Variants in NHS observed in about 807,000 individuals in gnomAD.
NHS encodes actin remodeling regulator NHS.
In NHS, 5 loss-of-function variants were observed where a neutral mutation model predicts 72.5. The observed-to-expected ratio is 0.07, with a 90% CI of 0.04 to 0.14. The LOEUF (loss-of-function observed/expected upper bound fraction) is 0.14, where lower values mean the gene tolerates loss of function less well. Among genes scored for constraint, NHS ranks in the 10% least tolerant of loss-of-function variants. The probability of loss-of-function intolerance (pLI) is 1.00; values close to 1 mark genes in which losing one functional copy is unlikely to be tolerated. For synonymous variants in NHS, 464 were observed against 547.7 expected (o/e 0.85, Z 2.13); for missense variants, 1,072 against 1,355.7 (o/e 0.79, Z 3.29).
At chrX:17,444,715 A>G (rs2064770736) in intron 1 of NHS, among the ~76,000 whole-genome samples, 1 of 111,472 alleles carries the variant, frequency 9.0e-6, no homozygotes, top group Admixed American at 9.5e-5. Context: ...CCAGCACACC[A>G]CAGGCACCCA....
rs774852180 is a variant in NHS at position 17,595,847 on chromosome X, TTATC to T, written c.566-91894_566-91891del. ...GCTATGCCAGTGGGTAAATATTTAC[TTATC>T]ATCTATTCCAAGGAGTGAATGTTAA... On this transcript the variant is annotated intron_variant, in intron 1 of 8. Coordinates refer to ENST00000676302, the MANE Select transcript of NHS (RefSeq NM_001291867.2). Among the ~76,000 whole-genome samples the T allele has an allele frequency of 3.2e-4, 36 of 112,434 alleles. No homozygotes were observed. The East Asian group carries it at 9.8e-3, about 30-fold the overall frequency.
chrX:17,541,685 C>A (rs745576858), intron 1 of NHS, among the ~76,000 whole-genome samples: 2 of 108,986 alleles, frequency 1.8e-5, no homozygotes, highest in African/African-American at 6.7e-5. Flanking sequence ...GGGCTTTCAG[C>A]GGCCAGCCCT....
At chrX:17,408,672 G>A (rs912390714) in intron 1 of NHS, among the ~76,000 whole-genome samples, 4 of 111,704 alleles carry the variant, frequency 3.6e-5, no homozygotes, top group Non-Finnish European at 5.6e-5. Context: ...TCAGCCCTGA[G>A]AGAATTTTTT....
chrX:17,586,445 T>C (rs1181335870), intron 1 of NHS: 1 of 112,371 alleles, frequency 8.9e-6, no homozygotes, highest in Non-Finnish European at 1.9e-5. Context: ...CCACAGAGCA[T>C]TTAATAATAA....
At chrX:17,658,441 T>A (rs1031440036) in intron 1 of NHS, among the ~76,000 whole-genome samples, 1 of 112,374 alleles carries the variant, frequency 8.9e-6, no homozygotes, top group Non-Finnish European at 1.9e-5. Flanking sequence ...TCTTTCAAAA[T>A]GAATTTTGAT....
chrX:17,451,684 T>C, intron 1 of NHS, among the ~76,000 whole-genome samples: 1 of 112,120 alleles, frequency 8.9e-6, no homozygotes, highest in Non-Finnish European at 1.9e-5. Context: ...GGTCTATCTC[T>C]TATAGTATGT....
chrX:17,658,614 G>T (rs1361313853), intron 1 of NHS, among the ~76,000 whole-genome samples: 2 of 112,027 alleles, frequency 1.8e-5, no homozygotes, highest in Admixed American at 9.4e-5. Context: ...ACAGTTGCTA[G>T]TTTATCTTTA....
At chrX:17,635,211 A>T in intron 1 of NHS, 1 of 804,763 alleles carries the variant, frequency 1.2e-6, no homozygotes, top group Non-Finnish European at 1.6e-6. Flanking sequence ...TCCCACTGCA[A>T]CCTAAACTGC....
chrX:17,672,149 C>G (rs756935646), intron 1 of NHS, among the ~76,000 whole-genome samples: 14 of 112,346 alleles, frequency 1.2e-4, no homozygotes, highest in Non-Finnish European at 2.4e-4. Flanking sequence ...GCTGCTGTAA[C>G]AAACCCCAAC....
At chrX:17,617,953 C>T (rs1045098346) in intron 1 of NHS, among the ~76,000 whole-genome samples, 3 of 112,057 alleles carry the variant, frequency 2.7e-5, no homozygotes, top group Non-Finnish European at 3.8e-5. Flanking sequence ...TCAGCTATGG[C>T]GGGAATTACA....
At chrX:17,669,682 GGA>G (rs1164256437) in intron 1 of NHS, among the ~76,000 whole-genome samples, 1 of 112,077 alleles carries the variant, frequency 8.9e-6, no homozygotes, top group Non-Finnish European at 1.9e-5. Flanking sequence ...AAGGAAGTAG[GGA>G]GAGAGAGTGA....
chrX:17,390,982 C>T, intron 1 of NHS, among the ~76,000 whole-genome samples: 1 of 111,867 alleles, frequency 8.9e-6, no homozygotes, highest in Non-Finnish European at 1.9e-5. Context: ...TGAAGCCCTT[C>T]TGGGTTTTCT....
intron 1 of NHS, among the ~76,000 whole-genome samples, chrX:17,444,327 C>T (rs999112447): frequency 4.5e-5 from 5 of 112,060 alleles, no homozygotes; most frequent in Non-Finnish European, 9.4e-5. Context: ...AACAGCACCA[C>T]ATTCTTGAGT....
rs936213903 is a variant in NHS, at chrX:17,721,560, C to T, written c.1035C>T (p.Leu345=). The T allele has an allele frequency of 8.3e-7, 1 of 1,211,333 alleles. No individual in the cohort carries two copies. The change falls in exon 5 of 9, where the codon CTC becomes CTT. Residue 345 remains leucine, a synonymous_variant. Transcript: ENST00000676302. ...CCAACTGGAGCAAAGCACTACCTCT[C>T]CCGACGCCAGAGGAGAAGATGAAAC... ...KQTNWSKALP[L]PTPEEKMKQD...
chrX:17,430,416 C>T (rs2064689397), intron 1 of NHS, among the ~76,000 whole-genome samples: 1 of 89,407 alleles, frequency 1.1e-5, no homozygotes, highest in Admixed American at 1.3e-4. Context: ...CTTTCTCCTT[C>T]CTTCCTTCCT....
chrX:17,413,119 G>A (rs1396136788), intron 1 of NHS, among the ~76,000 whole-genome samples: 2 of 112,146 alleles, frequency 1.8e-5, no homozygotes, highest in Non-Finnish European at 3.8e-5. Context: ...GCTTGTGTGT[G>A]TGTGCGTGCA....
intron 1 of NHS, among the ~76,000 whole-genome samples, chrX:17,585,100 G>A (rs1438542816): frequency 1.8e-5 from 2 of 111,977 alleles, no homozygotes; most frequent in East Asian, 5.6e-4. Context: ...AGGGATTATA[G>A]GCATGAGCCA....
At chrX:17,712,290 T>TATACACAC (rs1396937988) in intron 3 of NHS, among the ~76,000 whole-genome samples, 3 of 53,021 alleles carry the variant, frequency 5.7e-5, no homozygotes, top group Non-Finnish European at 1.0e-4. Context: ...TATATATATA[T>TATACACAC]ACACACACAC....
chrX:17,535,581 ACTTTTT>A (rs1207491607), intron 1 of NHS, among the ~76,000 whole-genome samples: 1 of 110,783 alleles, frequency 9.0e-6, no homozygotes, highest in African/African-American at 3.3e-5. Context: ...CCGAATGCTA[ACTTTTT>A]CTTTTAGAGA....
Sources: allele counts gnomAD v4.1 joint callset (sites outside exome capture counted in the v4.1 genomes callset), GRCh38; gene constraint gnomAD v4.1.1; transcripts MANE v1.5; gene names NCBI Gene and HGNC (gene_info 2026-07-23, HGNC 2026-07-21).